UBE3D: variants seen among roughly 807,000 people sequenced by gnomAD.
The protein encoded by UBE3D is E3 ubiquitin-protein ligase E3D.
UBE3D carries 48 observed loss-of-function variants against 49.6 expected under a neutral mutation model. That is an observed-to-expected ratio of 0.97 (90% CI 0.77 to 1.23). The LOEUF is 1.23. Among genes scored for constraint, UBE3D ranks in the 50% most tolerant of loss-of-function variants. The probability of loss-of-function intolerance (pLI) is 0.00; values close to 1 mark genes in which losing one functional copy is unlikely to be tolerated. For synonymous variants in UBE3D, 189 were observed against 174.2 expected, an observed-to-expected ratio of 1.08 and a Z score of -0.67; for missense variants, 452 against 468.4, an observed-to-expected ratio of 0.96 and a Z score of 0.32.
intron 8 of UBE3D, chr6:83,017,921 A>G (rs1780806735): frequency 6.6e-6 from 1 of 152,172 alleles, no homozygotes; most frequent in African/African-American, 2.4e-5. Flanking sequence ...AGCACTCACA[A>G]TGGAAAGAAT....
At chr6:82,935,583 A>G (rs551459158) in intron 9 of UBE3D, among the ~76,000 whole-genome samples, 1 of 152,214 alleles carries the variant, frequency 6.6e-6, no homozygotes, top group Admixed American at 6.5e-5. Flanking sequence ...ACTACGTAGA[A>G]TAAGTTTTTA....
chr6:82,898,791 C>T (rs549635996), intron 9 of UBE3D, among the ~76,000 whole-genome samples: 1 of 152,202 alleles, frequency 6.6e-6, no homozygotes, highest in South Asian at 2.1e-4. Flanking sequence ...CAAAACTGCA[C>T]ATTCTGCACA....
chr6:82,954,065 G>A (rs905015285), intron 9 of UBE3D, among the ~76,000 whole-genome samples: 2 of 152,184 alleles, frequency 1.3e-5, no homozygotes, highest in East Asian at 3.9e-4. Context: ...GAGTGAGAGA[G>A]CCAGAGATGA....
chr6:83,010,301 C>T (rs1005883319), intron 8 of UBE3D, among the ~76,000 whole-genome samples: 1 of 151,830 alleles, frequency 6.6e-6, no homozygotes, highest in South Asian at 2.1e-4. Context: ...TAAAAGACAG[C>T]AAACTATGTC....
chr6:83,052,448 C>T (rs1255841361), intron 3 of UBE3D, among the ~76,000 whole-genome samples: 1 of 152,146 alleles, frequency 6.6e-6, no homozygotes. Flanking sequence ...AGAGAAGGCT[C>T]ATAACAGTAC....
intron 9 of UBE3D, among the ~76,000 whole-genome samples, chr6:82,939,957 A>G (rs972282664): frequency 6.6e-6 from 1 of 152,218 alleles, no homozygotes; most frequent in Non-Finnish European, 1.5e-5. Flanking sequence ...TCCCCTACGA[A>G]GTGCTACAGA....
rs542751258 is a variant in UBE3D at position 82,919,597 on chromosome 6, A to AAAAAT, written c.1150-26560_1150-26556dup. Among the ~76,000 whole-genome samples, 324 of 152,000 alleles carry AAAAAT rather than the reference A, an allele frequency of 2.1e-3. 2 individuals carry two copies. The highest frequency in any genetic ancestry group is 7.2e-3 in the African/African-American group (299 of 41,418). On this transcript the variant is annotated intron_variant, in intron 9 of 9. Coordinates refer to ENST00000369747, the MANE Select transcript of UBE3D (RefSeq NM_198920.3). ...GGCGACACAGCAAGACTCAGTCTCA[A>AAAAAT]AAAATAAAATAAAATAAAATAAAAT...
intron 3 of UBE3D, among the ~76,000 whole-genome samples, chr6:83,047,957 C>A (rs990153980): frequency 1.8e-4 from 27 of 151,836 alleles, no homozygotes; most frequent in African/African-American, 6.3e-4. Flanking sequence ...TGGCGGGCAC[C>A]TGTAGTCCCA....
intron 8 of UBE3D, among the ~76,000 whole-genome samples, chr6:82,975,425 G>A (rs1777645760): frequency 6.6e-6 from 1 of 152,114 alleles, no homozygotes; most frequent in South Asian, 2.1e-4. Flanking sequence ...ACATAAAGAG[G>A]TGCAAGCAAA....
intron 9 of UBE3D, among the ~76,000 whole-genome samples, chr6:82,920,779 A>G (rs1773273484): frequency 6.6e-6 from 1 of 152,176 alleles, no homozygotes; most frequent in Admixed American, 6.5e-5. Context: ...CTATATATGT[A>G]ATGTTTAAAG....
intron 8 of UBE3D, among the ~76,000 whole-genome samples, chr6:82,959,063 C>G (rs1776362408): frequency 6.6e-6 from 1 of 151,990 alleles, no homozygotes; most frequent in Non-Finnish European, 1.5e-5. Context: ...GTGATAAGCG[C>G]TGTTTTCTCA....
chr6:82,989,193 C>T (rs1411627045), intron 8 of UBE3D, among the ~76,000 whole-genome samples: 5 of 152,074 alleles, frequency 3.3e-5, no homozygotes, highest in Non-Finnish European at 5.9e-5. Context: ...GTTAGCAGTA[C>T]AAGGCCCCTG....
chr6:83,011,470 T>A (rs538839732), intron 8 of UBE3D, among the ~76,000 whole-genome samples: 1 of 152,254 alleles, frequency 6.6e-6, no homozygotes, highest in Admixed American at 6.5e-5. Context: ...CTGCCTGAAT[T>A]GAGCTGTTGT....
intron 9 of UBE3D, among the ~76,000 whole-genome samples, chr6:82,956,922 G>A (rs1776196067): frequency 6.6e-6 from 1 of 152,216 alleles, no homozygotes; most frequent in Non-Finnish European, 1.5e-5. Flanking sequence ...GAGCTCAGGA[G>A]TTCGAGACCA....
intron 9 of UBE3D, among the ~76,000 whole-genome samples, chr6:82,900,578 T>A (rs961317795): frequency 6.6e-6 from 1 of 152,200 alleles, no homozygotes; most frequent in Non-Finnish European, 1.5e-5. Context: ...ACTTGCTTCA[T>A]GCAGACAAAA....
chr6:83,041,475 A>C (rs1782665950), intron 4 of UBE3D, among the ~76,000 whole-genome samples: 1 of 152,174 alleles, frequency 6.6e-6, no homozygotes, highest in South Asian at 2.1e-4. Context: ...TCAAGGAATA[A>C]TTGTTAATTT....
At chr6:82,933,955 C>A (rs1371149257) in intron 9 of UBE3D, among the ~76,000 whole-genome samples, 1 of 152,108 alleles carries the variant, frequency 6.6e-6, no homozygotes, top group African/African-American at 2.4e-5. Flanking sequence ...TAAAAAAAAT[C>A]ATTATGAGTG....
rs1204811896 is a variant in UBE3D, at chr6:82,913,812, A to G, written c.1150-20770T>C. ...AACAGCAGAAAGTGTCTTTTTACATATAAGTATGTCAATATTGACCTGCTT... is the reference window on the plus strand; with the variant it reads ...AACAGCAGAAAGTGTCTTTTTACATGTAAGTATGTCAATATTGACCTGCTT... On this transcript the variant is annotated intron_variant, in intron 9 of 9. Transcript: ENST00000369747. 6.6e-5 allele frequency among the ~76,000 whole-genome samples: 10 copies of G among 152,356 alleles called. 1 individual carries two copies. The East Asian group carries it at 1.9e-3, about 29-fold the overall frequency.
chr6:82,898,174 A>C (rs144142231), intron 9 of UBE3D, among the ~76,000 whole-genome samples: 1,821 of 152,314 alleles, frequency 0.012, 26 homozygotes, highest in African/African-American at 0.04. Flanking sequence ...AAAAGTCAGG[A>C]AACAACAGAT....
Sources: allele counts gnomAD v4.1 joint callset (sites outside exome capture counted in the v4.1 genomes callset), GRCh38; gene constraint gnomAD v4.1.1; transcripts MANE v1.5; gene names NCBI Gene and HGNC (gene_info 2026-07-23, HGNC 2026-07-21).